The following RDX variants were observed in gnomAD, a reference collection of about 807,000 sequenced individuals.
RDX encodes deafness, autosomal recessive 24.
RDX carries 32 observed loss-of-function variants against 83.7 expected under a neutral mutation model. The observed-to-expected ratio is 0.38, with a 90% confidence interval of 0.29 to 0.51. The LOEUF (loss-of-function observed/expected upper bound fraction) is 0.51, where lower values mean the gene tolerates loss of function less well. Among genes scored for constraint, RDX ranks in the 20% least tolerant of loss-of-function variants. The probability of loss-of-function intolerance (pLI) is 0.87; values close to 1 mark genes in which losing one functional copy is unlikely to be tolerated. For missense variants in RDX, 600 were observed against 689.9 expected (o/e 0.87, Z 1.46); for synonymous variants, 229 against 222.7 (o/e 1.03, Z -0.25).
At chr11:110,289,968 A>C (rs944881123) in intron 1 of RDX, among the ~76,000 whole-genome samples, 9 of 147,248 alleles carry the variant, frequency 6.1e-5, no homozygotes, top group Non-Finnish European at 9.0e-5. Flanking sequence ...AAAAAAAAAA[A>C]AAAAAAAAAA....
intron 14 of RDX, among the ~76,000 whole-genome samples, chr11:110,215,802 G>A (rs1236313216): frequency 3.3e-5 from 5 of 152,140 alleles, no homozygotes; most frequent in Non-Finnish European, 5.9e-5. Flanking sequence ...ATCCAAATGC[G>A]GAGTTTGCCA....
At chr11:110,177,218 C>G (rs1386864613) in intron 15 of RDX, among the ~76,000 whole-genome samples, 1 of 152,240 alleles carries the variant, frequency 6.6e-6, no homozygotes, top group East Asian at 1.9e-4. Context: ...TCCAACCACT[C>G]CCTGGCTGAG....
At chr11:110,286,689 T>A (rs1199495806) in intron 1 of RDX, among the ~76,000 whole-genome samples, 1 of 152,198 alleles carries the variant, frequency 6.6e-6, no homozygotes, top group African/African-American at 2.4e-5. Flanking sequence ...CTGAACATAA[T>A]TGTGGTCTCT....
intron 10 of RDX, among the ~76,000 whole-genome samples, chr11:110,240,706 C>A (rs2134321844): frequency 7.2e-6 from 1 of 138,496 alleles, no homozygotes; most frequent in South Asian, 2.3e-4. Flanking sequence ...GATGGCGCCA[C>A]TGCACTCCAG....
At chr11:110,236,830 G>A (rs1482405859) in intron 11 of RDX, among the ~76,000 whole-genome samples, 1 of 151,774 alleles carries the variant, frequency 6.6e-6, no homozygotes, top group Non-Finnish European at 1.5e-5. Flanking sequence ...ATGTTGGTCA[G>A]GGTGGTCTTG....
rs557014541 is a variant in RDX at position 110,288,951 on chromosome 11, C to A, written c.-65+7516G>T. On this transcript the variant is annotated intron_variant, in intron 1 of 13. Coordinates refer to ENST00000645495, the MANE Select transcript of RDX (RefSeq NM_002906.4). ...TGAACATGGGGAACAAAAAAAGCTC[C>A]TTACAGCTGGGCGTGGTGGCTCACA... Among the ~76,000 whole-genome samples, 7 of 152,220 alleles carry A rather than the reference C, an allele frequency of 4.6e-5. No homozygotes were observed. The South Asian group carries it at 1.2e-3, about 27-fold the overall frequency.
chr11:110,261,383 A>G (rs1859798545), intron 5 of RDX, among the ~76,000 whole-genome samples: 1 of 152,350 alleles, frequency 6.6e-6, no homozygotes, highest in African/African-American at 2.4e-5. Context: ...CTAATTATCT[A>G]TACCACAAGA....
intron 15 of RDX, among the ~76,000 whole-genome samples, chr11:110,177,328 C>T (rs1462196323): frequency 6.6e-6 from 1 of 152,230 alleles, no homozygotes; most frequent in Admixed American, 6.5e-5. Flanking sequence ...CACTGCACAA[C>T]TTTGAGCAGG....
At chr11:110,257,726 A>G (rs1859600266) in intron 7 of RDX, 41 bp downstream of exon 7, 1 of 1,600,978 alleles carries the variant, frequency 6.2e-7, no homozygotes, top group African/African-American at 1.3e-5. Flanking sequence ...CATTTAGACC[A>G]CTGAACAATG....
intron 2 of RDX, among the ~76,000 whole-genome samples, chr11:110,277,787 A>T (rs117257838): frequency 6.6e-6 from 1 of 152,236 alleles, no homozygotes; most frequent in East Asian, 1.9e-4. Context: ...CTGTCTTTCA[A>T]GAGCAAAAGT....
chr11:110,253,149 G>C (rs1360065730), intron 9 of RDX, among the ~76,000 whole-genome samples: 1 of 151,978 alleles, frequency 6.6e-6, no homozygotes, highest in Non-Finnish European at 1.5e-5. Flanking sequence ...TAGCAAAATG[G>C]TATCTAGCAG....
rs144893218 is a variant in RDX, at chr11:110,294,116, G to C, written c.-65+2351C>G. On this transcript the variant is annotated intron_variant, in intron 1 of 13. Coordinates refer to ENST00000645495, the MANE Select transcript of RDX (RefSeq NM_002906.4). Reference sequence around the variant, plus strand: ...TGAATAATAAAATCCAATTCTGGCCGGGCGCAGCGGCTCATGCCTGTAATC... The same window carrying C: ...TGAATAATAAAATCCAATTCTGGCCCGGCGCAGCGGCTCATGCCTGTAATC... Among the ~76,000 whole-genome samples, 909 of 152,308 alleles carry C rather than the reference G, an allele frequency of 6.0e-3. 4 individuals are homozygous for C. Among genetic ancestry groups the C allele is most frequent in the African/African-American group, 0.02 (811 of 41,560 alleles).
At chr11:110,268,515 A>G (rs974920441) in intron 3 of RDX, among the ~76,000 whole-genome samples, 1 of 152,190 alleles carries the variant, frequency 6.6e-6, no homozygotes, top group Non-Finnish European at 1.5e-5. Flanking sequence ...GAGCGGCAGG[A>G]GTAGTAATGT....
intron 15 of RDX, among the ~76,000 whole-genome samples, chr11:110,184,318 C>T (rs7120342): frequency 6.6e-6 from 1 of 152,206 alleles, no homozygotes; most frequent in Non-Finnish European, 1.5e-5. Flanking sequence ...GTGTCATTCC[C>T]AAGCCCAGGC....
intron 3 of RDX, among the ~76,000 whole-genome samples, chr11:110,266,203 T>G (rs561987952): frequency 7.8e-4 from 117 of 150,086 alleles, no homozygotes; most frequent in South Asian, 3.4e-3. Context: ...CGTGGTGGCA[T>G]GCGCCTGTAG....
At chr11:110,219,372 G>T (rs897565089) in intron 14 of RDX, among the ~76,000 whole-genome samples, 5 of 152,210 alleles carry the variant, frequency 3.3e-5, no homozygotes. Flanking sequence ...CCGCTGAAAA[G>T]AACATGGCTT....
At chr11:110,211,531 T>A (rs1238381670) in intron 14 of RDX, among the ~76,000 whole-genome samples, 38 of 151,400 alleles carry the variant, frequency 2.5e-4, no homozygotes, top group African/African-American at 8.3e-4. Context: ...CAGAATATAC[T>A]TTTTTTTCAG....
At chr11:110,245,006 C>T (rs774730983) in intron 10 of RDX, among the ~76,000 whole-genome samples, 5 of 146,730 alleles carry the variant, frequency 3.4e-5, no homozygotes, top group Non-Finnish European at 5.9e-5. Flanking sequence ...GCTCTGTCAT[C>T]CAGGCAGAAG....
intron 14 of RDX, chr11:110,200,187 C>G (rs1253152908): frequency 6.4e-6 from 1 of 155,442 alleles, no homozygotes; most frequent in Non-Finnish European, 1.4e-5. Flanking sequence ...ACTCTGAAAT[C>G]AATAGTTGCT....
Sources: allele counts gnomAD v4.1 joint callset (sites outside exome capture counted in the v4.1 genomes callset), GRCh38; gene constraint gnomAD v4.1.1; transcripts MANE v1.5; gene names NCBI Gene and HGNC (gene_info 2026-07-23, HGNC 2026-07-21).